RRBP1: variants seen among roughly 807,000 people sequenced by gnomAD.
The protein encoded by RRBP1 is ribosome binding protein 1, also known as ribosome-binding protein 1.
RRBP1 carries 94 observed loss-of-function variants against 165.2 expected under a neutral mutation model. That is an observed-to-expected ratio of 0.57 (90% confidence interval 0.48 to 0.68). RRBP1 has a LOEUF of 0.68. RRBP1 is among the 30% of genes least tolerant of loss of function. The pLI is 0.00. For missense variants in RRBP1, 1,676 were observed against 1,763.0 expected (o/e 0.95, Z 0.88); for synonymous variants, 680 against 714.5 (o/e 0.95, Z 0.77).
chr20:17,634,771 G>C (rs1407195830), intron 7 of RRBP1, among the ~76,000 whole-genome samples: 1 of 152,206 alleles, frequency 6.6e-6, no homozygotes, highest in East Asian at 1.9e-4. Flanking sequence ...CCAACCAGCC[G>C]ATGGCTCAGG....
Position 17,627,659 on chromosome 20 carries a change from A to G in RRBP1, c.2773T>C (p.Ser925Pro). 6.2e-7 allele frequency: 1 copy of G among 1,608,906 alleles called. No homozygotes were observed. Residue 925 changes from serine to proline, a missense_variant, in exon 10 of 25, where the codon TCC (serine) becomes CCC (proline). By Grantham distance (74) the Ser-to-Pro change is moderately conservative (BLOSUM62 -1). Transcript: ENST00000377813. ...CATTTGCTGCGCACCTCCGCCTCGG[A>G]GGACTGTAACTTGCTGTGCAGCTCT... ...MAELHSKLQS[S>P]EAEVRSKCEE...
chr20:17,633,728 G>A (rs1600741271), intron 7 of RRBP1, 115 bp from the exon 8 acceptor site: 5 of 1,078,316 alleles, frequency 4.6e-6, no homozygotes, highest in Admixed American at 2.6e-5. Context: ...CCCAAGTCTT[G>A]AAGCCATTAC....
chr20:17,639,186 C>T (rs1044952734), intron 5 of RRBP1, among the ~76,000 whole-genome samples: 5 of 152,232 alleles, frequency 3.3e-5, no homozygotes, highest in Admixed American at 6.5e-5. Flanking sequence ...ACTCCTCAAA[C>T]CCCCAAGAGA....
chr20:17,665,705 C>T (rs1199697035), intron 2 of RRBP1, among the ~76,000 whole-genome samples: 1 of 152,182 alleles, frequency 6.6e-6, no homozygotes, highest in East Asian at 1.9e-4. Context: ...TGTGACATGT[C>T]TACCATATGA....
At chr20:17,679,344 T>C (rs551615109) in intron 2 of RRBP1, among the ~76,000 whole-genome samples, 3 of 152,258 alleles carry the variant, frequency 2.0e-5, no homozygotes, top group South Asian at 2.1e-4. Flanking sequence ...TATGATGTTA[T>C]AGGCCAGGCC....
Position 17,616,015 on chromosome 20 carries a change from C to T in RRBP1, c.3868-6G>A, listed in dbSNP as rs764477394. The T allele has an allele frequency of 6.9e-6, 11 of 1,602,552 alleles. No homozygotes were observed. In the African/African-American group the frequency reaches 1.5e-4, roughly 21 times the overall value. On this transcript the variant is annotated splice_region_variant and splice_polypyrimidine_tract_variant and intron_variant, in intron 21 of 24. Transcript: ENST00000377813. ...CACTCCAGCTGCGTCTTCAGCTGTGCAAACACCGCAAACATAACCCGGCAG... is the reference window on the plus strand; with the variant it reads ...CACTCCAGCTGCGTCTTCAGCTGTGTAAACACCGCAAACATAACCCGGCAG...
At chr20:17,616,987 T>A in intron 20 of RRBP1, 148 bp from the exon 21 acceptor site, 1 of 715,164 alleles carries the variant, frequency 1.4e-6, no homozygotes, top group Non-Finnish European at 2.4e-6. Flanking sequence ...GTGACCTATG[T>A]CTGGCCACCC....
intron 3 of RRBP1, among the ~76,000 whole-genome samples, chr20:17,644,373 A>G (rs1414628441): frequency 6.6e-6 from 1 of 152,208 alleles, no homozygotes; most frequent in Non-Finnish European, 1.5e-5. Flanking sequence ...GTATGTACAT[A>G]AAGTAATTTT....
At chr20:17,661,778 T>C (rs1446869079) in intron 2 of RRBP1, among the ~76,000 whole-genome samples, 4 of 152,162 alleles carry the variant, frequency 2.6e-5, no homozygotes, top group Non-Finnish European at 5.9e-5. Context: ...TGTGGGAGAC[T>C]GGGTCCAGGC....
intron 8 of RRBP1, among the ~76,000 whole-genome samples, chr20:17,630,206 TC>T (rs1234753445): frequency 1.3e-5 from 2 of 152,110 alleles, no homozygotes; most frequent in Admixed American, 1.3e-4. Flanking sequence ...CTTTTCTGAG[TC>T]CCTATTTTTA....
chr20:17,645,762 G>A (rs367702299), intron 3 of RRBP1, among the ~76,000 whole-genome samples: 8 of 152,190 alleles, frequency 5.3e-5, no homozygotes, highest in Admixed American at 2.6e-4. Flanking sequence ...GTAATCTTCC[G>A]AATTGTGAAA....
intron 2 of RRBP1, among the ~76,000 whole-genome samples, chr20:17,678,872 A>C (rs1216230122): frequency 2.0e-5 from 3 of 152,242 alleles, no homozygotes; most frequent in Non-Finnish European, 4.4e-5. Flanking sequence ...CCCACCACAC[A>C]GGAGACCCTC....
intron 17 of RRBP1, 78 bp from the exon 18 acceptor site, chr20:17,620,448 C>A (rs1021778846): frequency 6.8e-6 from 9 of 1,320,532 alleles, no homozygotes; most frequent in African/African-American, 4.3e-5. Flanking sequence ...AGGACCCGAG[C>A]GGGACTGACC....
intron 3 of RRBP1, among the ~76,000 whole-genome samples, chr20:17,649,700 C>A (rs1036379539): frequency 6.6e-6 from 1 of 152,156 alleles, no homozygotes; most frequent in Non-Finnish European, 1.5e-5. Context: ...GGGGGCTTGA[C>A]AACTCTTCCC....
At chr20:17,680,693 G>A (rs956515202) in intron 1 of RRBP1, among the ~76,000 whole-genome samples, 4 of 152,108 alleles carry the variant, frequency 2.6e-5, no homozygotes, top group Non-Finnish European at 5.9e-5. Context: ...CGAGTAGGCG[G>A]CCAGTACGTG....
Position 17,638,750 on chromosome 20 carries a change from C to A in RRBP1, c.2185-2021G>T, listed in dbSNP as rs151312889. Among the ~76,000 whole-genome samples the A allele has an allele frequency of 2.7e-3, 418 of 152,134 alleles. 2 individuals carry two copies. Among genetic ancestry groups the A allele is most frequent in the Non-Finnish European group, 4.3e-3 (294 of 68,008 alleles). ...GGTTCCGGCGCACAAGAAGACAAGGCTTGGCACCATCACTAGCATTGGCTC... is the reference window on the plus strand; with the variant it reads ...GGTTCCGGCGCACAAGAAGACAAGGATTGGCACCATCACTAGCATTGGCTC... On this transcript the variant is annotated intron_variant, in intron 5 of 24. Coordinates refer to ENST00000377813, the MANE Select transcript of RRBP1 (RefSeq NM_001365613.2).
At chr20:17,633,133 C>A (rs2036184195) in intron 8 of RRBP1, among the ~76,000 whole-genome samples, 1 of 152,206 alleles carries the variant, frequency 6.6e-6, no homozygotes, top group South Asian at 2.1e-4. Context: ...CTTCTCTGCA[C>A]CTCAAACTCC....
intron 7 of RRBP1, among the ~76,000 whole-genome samples, chr20:17,634,428 C>G (rs2036210340): frequency 6.6e-6 from 1 of 152,186 alleles, no homozygotes; most frequent in African/African-American, 2.4e-5. Context: ...GGAGGCCACA[C>G]CAAAGCCCAC....
chr20:17,650,421 G>GA (rs1479738953), intron 3 of RRBP1, among the ~76,000 whole-genome samples: 4 of 152,202 alleles, frequency 2.6e-5, no homozygotes, highest in African/African-American at 9.7e-5. Context: ...GCAGGCTGGG[G>GA]AAAGAGGGCC....
Sources: allele counts gnomAD v4.1 joint callset (sites outside exome capture counted in the v4.1 genomes callset), GRCh38; gene constraint gnomAD v4.1.1; transcripts MANE v1.5; gene names NCBI Gene and HGNC (gene_info 2026-07-23, HGNC 2026-07-21).